The following NRIP1 variants were observed in gnomAD, a reference collection of about 807,000 sequenced individuals.
NRIP1 encodes nuclear receptor-interacting protein 1.
NRIP1 carries 28 observed loss-of-function variants against 75.0 expected under a neutral mutation model. That is an observed-to-expected ratio of 0.37 (90% CI 0.28 to 0.51). The LOEUF is 0.51. NRIP1 is among the 20% of genes least tolerant of loss of function. The pLI, the probability that NRIP1 is intolerant of heterozygous loss-of-function variation, is 0.92. For synonymous variants in NRIP1, 526 were observed against 487.6 expected (o/e 1.08, Z -1.04); for missense variants, 1,435 against 1,343.7 (o/e 1.07, Z -1.06).
rs1272690573 is a variant in NRIP1, at chr21:15,014,476, A to G, written c.-457-10T>C. ...TCAGTCAAGTGTGCATCTTAACAAG[A>G]GGGAAAAGATAGTTTGGCATCTATT... On this transcript the variant is annotated splice_polypyrimidine_tract_variant and intron_variant, in intron 2 of 3. Transcript: ENST00000318948. The G allele has an allele frequency of 7.5e-6, 3 of 398,298 alleles. No individual in the cohort carries two copies. Among genetic ancestry groups the G allele is most frequent in the African/African-American group, 6.2e-5 (3 of 48,634 alleles). The allele number at this position is 398,298 out of a possible 1,614,324, so 24.7% of individuals were successfully genotyped here. A position where few individuals can be genotyped will look rare whatever the true frequency, so the allele number is the denominator to read the frequency against.
At chr21:15,003,440 T>C (rs1320163824) in intron 3 of NRIP1, among the ~76,000 whole-genome samples, 1 of 152,148 alleles carries the variant, frequency 6.6e-6, no homozygotes. Context: ...AATGAAGTAT[T>C]GCAATAATGT....
chr21:15,020,878 TA>T lies in NRIP1; in HGVS notation c.-457-6413del, dbSNP rs201297132. Among the ~76,000 whole-genome samples, 687 of 141,350 alleles carry T rather than the reference TA, an allele frequency of 4.9e-3. 1 individual carries two copies. Among genetic ancestry groups the T allele is most frequent in the African/African-American group, 6.3e-3 (244 of 38,666 alleles). The allele number at this position is 141,350 out of a possible 152,430, so 92.7% of individuals were successfully genotyped here. ...TACACACTCACTAGAATAGCTATAT[TA>T]AAAAAAAAAAAGACTGAAAAAACTC... is the stretch of plus-strand genomic sequence containing the variant. On this transcript the variant is annotated intron_variant, in intron 2 of 3. Transcript: ENST00000318948.
intron 2 of NRIP1, among the ~76,000 whole-genome samples, chr21:15,022,322 G>A (rs2013208220): frequency 6.6e-6 from 1 of 152,180 alleles, no homozygotes; most frequent in African/African-American, 2.4e-5. Context: ...CTTAAAAGTG[G>A]GAGCTGAATG....
chr21:14,969,145 T>A (rs780083476), intron 3 of NRIP1, among the ~76,000 whole-genome samples: 6 of 152,228 alleles, frequency 3.9e-5, no homozygotes, highest in Non-Finnish European at 7.3e-5. Context: ...AGTGTGACCA[T>A]CTTAATCATA....
chr21:14,980,712 A>T (rs1483450462), intron 3 of NRIP1, among the ~76,000 whole-genome samples: 1 of 151,936 alleles, frequency 6.6e-6, no homozygotes, highest in Non-Finnish European at 1.5e-5. Context: ...TTCCTTGCTA[A>T]ATCAAGTACC....
chr21:15,010,701 T>C (rs1047551473), intron 3 of NRIP1, among the ~76,000 whole-genome samples: 2 of 152,186 alleles, frequency 1.3e-5, no homozygotes, highest in Non-Finnish European at 2.9e-5. Context: ...ACAAGCAAGC[T>C]GGAGTTTTAG....
intron 3 of NRIP1, among the ~76,000 whole-genome samples, chr21:14,968,951 T>C (rs778839735): frequency 2.4e-4 from 37 of 152,284 alleles, no homozygotes; most frequent in African/African-American, 8.4e-4. Context: ...AAAGTAGATG[T>C]GCAGAAAAAG....
chr21:15,053,823 C>A (rs2089250974), intron 1 of NRIP1, among the ~76,000 whole-genome samples: 1 of 152,084 alleles, frequency 6.6e-6, no homozygotes, highest in Non-Finnish European at 1.5e-5. Context: ...CATGAAGTTA[C>A]CTTTGTTAAA....
In NRIP1 at chr21:14,963,969, G is replaced by A. The variant is rs2086654824; in HGVS notation, c.*747C>T. The A allele has an allele frequency of 6.6e-6, 1 of 152,498 alleles. No homozygotes were observed. The highest frequency in any genetic ancestry group is 2.1e-4 in the South Asian group (1 of 4,822). The allele number at this position is 152,498 out of a possible 1,614,324, so 9.4% of individuals were successfully genotyped here. Reference sequence around the variant, plus strand: ...TGTTAACTTTTCTAATTCTGTAAAAGGAGGAGTATTAATTTAGTAAAGTAG... The same window carrying A: ...TGTTAACTTTTCTAATTCTGTAAAAAGAGGAGTATTAATTTAGTAAAGTAG... On this transcript the variant is annotated 3_prime_UTR_variant, in exon 4 of 4. Transcript: ENST00000318948.
chr21:15,003,007 G>A lies in NRIP1; in HGVS notation c.-335+11337C>T, dbSNP rs542142314. Among the ~76,000 whole-genome samples the A allele has an allele frequency of 2.6e-5, 4 of 152,194 alleles. No individual in the cohort carries two copies. In the East Asian group the frequency reaches 7.7e-4, roughly 29 times the overall value. On this transcript the variant is annotated intron_variant, in intron 3 of 3. Coordinates refer to ENST00000318948, the MANE Select transcript of NRIP1 (RefSeq NM_003489.4). ...GCACCTTTAACACTTCATAATTATG[G>A]CATCACGGTGGTATGGTTAATCTTA... is the stretch of plus-strand genomic sequence containing the variant.
intron 2 of NRIP1, among the ~76,000 whole-genome samples, chr21:15,038,147 G>C (rs552265981): frequency 6.6e-6 from 1 of 152,186 alleles, no homozygotes; most frequent in African/African-American, 2.4e-5. Context: ...GAAAGACTTT[G>C]ATCACATTTA....
At chr21:15,026,598 G>C (rs1398378391) in intron 2 of NRIP1, among the ~76,000 whole-genome samples, 3 of 152,048 alleles carry the variant, frequency 2.0e-5, no homozygotes, top group Admixed American at 2.0e-4. Flanking sequence ...GCTTATAATA[G>C]TCATACATAT....
chr21:14,975,540 C>T (rs1263832524), intron 3 of NRIP1, among the ~76,000 whole-genome samples: 3 of 150,746 alleles, frequency 2.0e-5, no homozygotes, highest in African/African-American at 7.3e-5. Flanking sequence ...TCACTGGAGC[C>T]CAGGAGTTTG....
intron 3 of NRIP1, chr21:14,992,624 C>T (rs2087605100): frequency 6.6e-6 from 1 of 151,866 alleles, no homozygotes; most frequent in South Asian, 2.1e-4. Flanking sequence ...CGCTCACTGC[C>T]CCCCAGAAAT....
intron 2 of NRIP1, among the ~76,000 whole-genome samples, chr21:15,041,175 C>A (rs2088944468): frequency 6.6e-6 from 1 of 152,006 alleles, no homozygotes; most frequent in African/African-American, 2.4e-5. Context: ...GGGGAAAAAA[C>A]AAATAACATA....
At chr21:14,990,669 G>C (rs2087544558) in intron 3 of NRIP1, among the ~76,000 whole-genome samples, 1 of 152,170 alleles carries the variant, frequency 6.6e-6, no homozygotes, top group African/African-American at 2.4e-5. Context: ...CATGGAAAAT[G>C]AATTCCTAAA....
At chr21:15,019,073 T>C (rs1263949102) in intron 2 of NRIP1, among the ~76,000 whole-genome samples, 1 of 151,082 alleles carries the variant, frequency 6.6e-6, no homozygotes, top group Non-Finnish European at 1.5e-5. Flanking sequence ...ATCGAGATAA[T>C]CATGTGAGTT....
chr21:15,004,650 A>G (rs955711841), intron 3 of NRIP1, among the ~76,000 whole-genome samples: 7 of 152,258 alleles, frequency 4.6e-5, no homozygotes, highest in Non-Finnish European at 1.0e-4. Context: ...ATTGTGCCTT[A>G]AAATGTCATG....
rs2086661880 is a variant in NRIP1 at position 14,964,264 on chromosome 21, T to C, written c.*452A>G. 6.7e-6 allele frequency: 1 copy of C among 150,324 alleles called. No individual in the cohort carries two copies. Among genetic ancestry groups the C allele is most frequent in the African/African-American group, 2.4e-5 (1 of 41,336 alleles). The allele number at this position is 150,324 out of a possible 1,614,324, so 9.3% of individuals were successfully genotyped here. A position where few individuals can be genotyped will look rare whatever the true frequency, so the allele number is the denominator to read the frequency against. ...TGGATAATAAGCTGTGAATCAGCAC[T>C]AGGTTTTTTTTTATTGGATAATTAT... is the stretch of plus-strand genomic sequence containing the variant. On this transcript the variant is annotated 3_prime_UTR_variant, in exon 4 of 4. Coordinates refer to ENST00000318948, the MANE Select transcript of NRIP1 (RefSeq NM_003489.4).
Sources: gnomAD v4.1 joint callset for allele counts (sites outside exome capture counted in the v4.1 genomes callset) on GRCh38, gnomAD v4.1.1 for gene constraint, MANE v1.5 for transcripts, NCBI Gene and HGNC (gene_info 2026-07-23, HGNC 2026-07-21) for gene names.